Variants in POU2F3 observed in about 807,000 individuals in gnomAD.
The protein encoded by POU2F3 is POU domain, class 2, transcription factor 3.
A neutral mutation model predicts 59.2 loss-of-function variants in POU2F3; 23 were observed. The observed-to-expected ratio is 0.39, with a 90% confidence interval of 0.28 to 0.55. POU2F3 has a LOEUF of 0.55. Ranked by LOEUF, POU2F3 falls within the 20% of genes least tolerant of loss-of-function variation. The pLI is 0.66. For synonymous variants in POU2F3, 190 were observed against 214.6 expected, an observed-to-expected ratio of 0.89 and a Z score of 1.00; for missense variants, 473 against 544.5, an observed-to-expected ratio of 0.87 and a Z score of 1.31.
chr11:120,264,582 G>C (rs551772517), intron 2 of POU2F3, among the ~76,000 whole-genome samples: 1 of 152,212 alleles, frequency 6.6e-6, no homozygotes, highest in Non-Finnish European at 1.5e-5. Flanking sequence ...TTTTGGGGGG[G>C]TGGTCTAGGG....
intron 3 of POU2F3, among the ~76,000 whole-genome samples, chr11:120,273,170 A>T (rs1175832473): frequency 6.6e-6 from 1 of 152,232 alleles, no homozygotes; most frequent in Admixed American, 6.5e-5. Context: ...TGTGTGAGCC[A>T]GCGAAAAGAA....
At position 120,257,456 on chromosome 11, in the gene POU2F3, T is replaced by G. The variant is rs887123060; in HGVS notation, c.97+10939T>G. The stretch of plus-strand genomic sequence containing the variant: ...CCACATCTCGGGGTCACCATACCCT[T>G]CAATTCTCACTTTCAGGGGCTCTCT... On this transcript the variant is annotated intron_variant, in intron 2 of 12. Coordinates refer to ENST00000543440, the MANE Select transcript of POU2F3 (RefSeq NM_014352.4). Among the ~76,000 whole-genome samples, 6 of 151,296 alleles carry G rather than the reference T, an allele frequency of 4.0e-5. 1 individual carries two copies. The highest frequency in any genetic ancestry group is 3.9e-4 in the Admixed American group (6 of 15,206).
Position 120,299,626 on chromosome 11 carries a change from C to T in POU2F3, c.261C>T (p.Asp87=). ...MSGLNASPCQ[D]MASLHPLQQL... is the part of the protein sequence containing the mutation. ...TATGTGTATCTCTCCGTGTGTAGGA[C>T]ATGGCTTCCCTCCATCCGCTCCAGC... Residue 87 remains aspartate, a splice_region_variant and synonymous_variant, in exon 5 of 13, where the codon GAC becomes GAT. Transcript: ENST00000543440. 6.2e-7 allele frequency: 1 copy of T among 1,613,170 alleles called. No individual in the cohort carries two copies. The highest frequency in any genetic ancestry group is 8.5e-7 in the Non-Finnish European group (1 of 1,179,552).
rs1941373301 is a variant in POU2F3, at chr11:120,302,395, C to T, written c.444+27C>T. 5 of 1,554,446 alleles carry T rather than the reference C, an allele frequency of 3.2e-6. No homozygotes were observed. In the South Asian group the frequency reaches 4.5e-5, roughly 14 times the overall value. ...TAAACAACCCCATTCTTCCTGTTTC[C>T]TCTAGGAATGTCTCAGCTCTCACTG... On this transcript the variant is annotated intron_variant, in intron 6 of 12. Coordinates refer to ENST00000543440, the MANE Select transcript of POU2F3 (RefSeq NM_014352.4).
intron 1 of POU2F3, among the ~76,000 whole-genome samples, chr11:120,242,666 C>T (rs1938714246): frequency 6.6e-6 from 1 of 152,186 alleles, no homozygotes; most frequent in African/African-American, 2.4e-5. Context: ...ACTCCAAGGG[C>T]TCCACTCGCA....
intron 2 of POU2F3, among the ~76,000 whole-genome samples, chr11:120,247,595 C>G (rs1036526517): frequency 1.3e-5 from 2 of 152,156 alleles, no homozygotes; most frequent in Non-Finnish European, 2.9e-5. Flanking sequence ...GAATGTGGGC[C>G]GGTCACACTC....
chr11:120,270,807 C>G (rs556190597), intron 3 of POU2F3, among the ~76,000 whole-genome samples: 38 of 152,294 alleles, frequency 2.5e-4, no homozygotes, highest in Middle Eastern at 6.8e-3. Flanking sequence ...ATCCTCCCAC[C>G]TCAGCCTCCC....
chr11:120,288,220 G>C (rs1307982356), intron 3 of POU2F3, among the ~76,000 whole-genome samples: 1 of 150,194 alleles, frequency 6.7e-6, no homozygotes, highest in Non-Finnish European at 1.5e-5. Flanking sequence ...GTATCCCTGA[G>C]GGCATGGTTG....
chr11:120,265,407 G>T (rs912272256), intron 2 of POU2F3: 1 of 152,220 alleles, frequency 6.6e-6, no homozygotes, highest in Non-Finnish European at 1.5e-5. Context: ...GGGCATGGCT[G>T]GCCCCTGCAC....
chr11:120,307,117 A>G (rs1941515021), intron 8 of POU2F3, among the ~76,000 whole-genome samples: 1 of 152,174 alleles, frequency 6.6e-6, no homozygotes, highest in Admixed American at 6.5e-5. Context: ...CACGAGCATT[A>G]CTCACAGGAG....
chr11:120,250,046 A>C (rs1011093307), intron 2 of POU2F3: 1 of 152,084 alleles, frequency 6.6e-6, no homozygotes, highest in Non-Finnish European at 1.5e-5. Flanking sequence ...CGGGGTTTGG[A>C]GTAGATCCTC....
intron 2 of POU2F3, chr11:120,254,730 G>A (rs1363191535): frequency 6.6e-6 from 1 of 152,360 alleles, no homozygotes; most frequent in Non-Finnish European, 1.5e-5. Context: ...CTGGGGGTCT[G>A]GCAGGACAGG....
At chr11:120,309,347 T>C in intron 9 of POU2F3, 78 bp from the exon 10 acceptor site, 2 of 1,423,146 alleles carry the variant, frequency 1.4e-6, no homozygotes, top group Non-Finnish European at 2.0e-6. Flanking sequence ...TATAGTTGTA[T>C]CCTGTTTCTT....
chr11:120,293,432 G>A (rs11603307), intron 3 of POU2F3, among the ~76,000 whole-genome samples: 24,091 of 152,032 alleles, frequency 0.16, 3,387 homozygotes, highest in African/African-American at 0.37. Context: ...TTTTTAAAAT[G>A]TTTTCATTTG....
At chr11:120,238,346 C>A (rs755454660), upstream of POU2F3, among the ~76,000 whole-genome samples, 3 of 152,038 alleles carry the variant, frequency 2.0e-5, no homozygotes, top group African/African-American at 7.3e-5. Flanking sequence ...TGTATGTGGA[C>A]CTGAAGAAGC....
Position 120,305,226 on chromosome 11 carries a change from GGAAA to G in POU2F3, c.627+15_627+18del, listed in dbSNP as rs1717591598. On this transcript the variant is annotated intron_variant, in intron 7 of 12. Coordinates refer to ENST00000543440, the MANE Select transcript of POU2F3 (RefSeq NM_014352.4). ...GGCTTCACACAGGTTTGGTTTTAGG[GGAAA>G]AGATAGAAGAAGTCTAGCCGAGCGG... The G allele has an allele frequency of 6.2e-7, 1 of 1,609,890 alleles. No individual in the cohort carries two copies. The highest frequency in any genetic ancestry group is 1.3e-5 in the African/African-American group (1 of 74,698).
intron 2 of POU2F3, among the ~76,000 whole-genome samples, chr11:120,262,951 CTTATTTATTTAAT>C (rs1228458530): frequency 1.3e-5 from 2 of 148,776 alleles, no homozygotes; most frequent in African/African-American, 2.5e-5. Context: ...CATTTCTTTT[CTTATTTATTTAAT>C]TTATTTATTT....
intron 2 of POU2F3, among the ~76,000 whole-genome samples, chr11:120,252,486 G>A (rs997343847): frequency 5.3e-5 from 8 of 152,170 alleles, no homozygotes; most frequent in African/African-American, 1.9e-4. Context: ...GGGATTACAG[G>A]CATGAGCCTC....
intron 10 of POU2F3, among the ~76,000 whole-genome samples, 166 bp downstream of exon 10, chr11:120,309,752 CG>C (rs1941605087): frequency 6.6e-6 from 1 of 152,034 alleles, no homozygotes; most frequent in South Asian, 2.1e-4. Flanking sequence ...AAGGGGATAG[CG>C]GGGAGATACT....
Sources: allele counts gnomAD v4.1 joint callset (sites outside exome capture counted in the v4.1 genomes callset), GRCh38; gene constraint gnomAD v4.1.1; transcripts MANE v1.5; gene names NCBI Gene and HGNC (gene_info 2026-07-23, HGNC 2026-07-21).